XIRP2: variants seen among roughly 807,000 people sequenced by gnomAD.
XIRP2 encodes xin actin-binding repeat-containing protein 2.
Under a neutral mutation model 277.0 loss-of-function variants are expected in XIRP2, and 236 were observed. That is an observed-to-expected ratio of 0.85 (90% CI 0.77 to 0.95). XIRP2 has a LOEUF of 0.95. XIRP2 is among the 40% of genes least tolerant of loss of function. The pLI is 0.00. For missense variants in XIRP2, 4,640 were observed against 4,157.5 expected (o/e 1.12, Z -3.19); for synonymous variants, 1,490 against 1,416.5 (o/e 1.05, Z -1.17).
chr2:167,236,646 T>A (rs567458342), intron 5 of XIRP2, among the ~76,000 whole-genome samples: 2 of 152,204 alleles, frequency 1.3e-5, no homozygotes, highest in East Asian at 3.9e-4. Context: ...GATTATAACA[T>A]ACCTAGTAAA....
At chr2:166,995,491 C>A (rs1022112611) in intron 2 of XIRP2, among the ~76,000 whole-genome samples, 2 of 152,072 alleles carry the variant, frequency 1.3e-5, no homozygotes, top group African/African-American at 2.4e-5. Context: ...CAGTAAGAAC[C>A]TTTTTCTGCA....
intron 3 of XIRP2, among the ~76,000 whole-genome samples, chr2:167,142,671 T>G (rs1252936351): frequency 6.6e-6 from 1 of 152,346 alleles, no homozygotes; most frequent in Non-Finnish European, 1.5e-5. Context: ...ATCCCACTTC[T>G]TAAACTGAGT....
At chr2:167,087,550 G>A (rs542430753) in intron 2 of XIRP2, among the ~76,000 whole-genome samples, 48 of 152,286 alleles carry the variant, frequency 3.2e-4, no homozygotes, top group African/African-American at 1.0e-3. Context: ...CCTCGCTGCC[G>A]CCTTGCAGTT....
intron 2 of XIRP2, among the ~76,000 whole-genome samples, chr2:166,956,911 A>G (rs1304763492): frequency 6.6e-6 from 1 of 151,860 alleles, no homozygotes; most frequent in African/African-American, 2.4e-5. Context: ...ATTTTGAATC[A>G]GTTTGAAGTT....
intron 2 of XIRP2, among the ~76,000 whole-genome samples, chr2:166,943,506 C>G (rs1685775882): frequency 6.6e-6 from 1 of 152,206 alleles, no homozygotes; most frequent in Admixed American, 6.5e-5. Context: ...CATATCACCA[C>G]TCGTCTTCAT....
chr2:167,247,630 A>G lies in XIRP2; in HGVS notation c.6238A>G (p.Ser2080Gly), dbSNP rs1273880367. 5 of 1,613,620 alleles carry G rather than the reference A, an allele frequency of 3.1e-6. No individual in the cohort carries two copies. The highest frequency in any genetic ancestry group is 1.7e-5 in the Admixed American group (1 of 59,952). The change falls in exon 9 of 11, where the codon AGC becomes GGC. Residue 2080 changes from serine to glycine, a missense_variant. Coordinates refer to ENST00000409195, the MANE Select transcript of XIRP2 (RefSeq NM_152381.6). Reference protein sequence around the residue: ...GEQHLRDEYMSRQLTSTVSVK... With the variant: ...GEQHLRDEYMGRQLTSTVSVK... ...ACAGCATCTTAGAGATGAATATATG[A>G]GCAGACAATTAACTTCAACTGTGTC... is the stretch of plus-strand genomic sequence containing the variant.
intron 2 of XIRP2, among the ~76,000 whole-genome samples, chr2:166,946,293 C>T (rs1685861270): frequency 6.6e-6 from 1 of 152,118 alleles, no homozygotes; most frequent in South Asian, 2.1e-4. Context: ...AATTCTTCTT[C>T]AGTTGTTGGA....
intron 3 of XIRP2, among the ~76,000 whole-genome samples, chr2:167,171,941 C>A (rs114614561): frequency 0.04 from 6,051 of 152,130 alleles, 129 homozygotes; most frequent in Non-Finnish European, 0.051. Context: ...TTGTTGTGGG[C>A]ATAAAATAGG....
chr2:167,250,446 A>G lies in XIRP2; in HGVS notation c.9054A>G (p.Gln3018=). 1 of 1,613,406 alleles carries G rather than the reference A, an allele frequency of 6.2e-7. No homozygotes were observed. The highest frequency in any genetic ancestry group is 8.5e-7 in the Non-Finnish European group (1 of 1,179,646). ...VKEEITHIKT[Q]AEDMLVSYEN... ...AAGAAATAACACATATTAAAACTCAAGCGGAAGATATGCTTGTGTCCTATG... is the reference window on the plus strand; with the variant it reads ...AAGAAATAACACATATTAAAACTCAGGCGGAAGATATGCTTGTGTCCTATG... Residue 3018 remains glutamine (Q), a synonymous_variant, in exon 9 of 11, where the codon CAA becomes CAG. Transcript: ENST00000409195.
chr2:167,223,211 T>C (rs1472861859), intron 5 of XIRP2, among the ~76,000 whole-genome samples: 1 of 151,328 alleles, frequency 6.6e-6, no homozygotes, highest in Admixed American at 6.6e-5. Flanking sequence ...CTCAAGTTGC[T>C]TTTTTTTTCC....
intron 2 of XIRP2, among the ~76,000 whole-genome samples, chr2:167,064,696 A>G (rs962480647): frequency 1.3e-5 from 2 of 151,826 alleles, no homozygotes; most frequent in Non-Finnish European, 2.9e-5. Flanking sequence ...ACAACCACCA[A>G]TCTACTTCCT....
chr2:167,214,096 AG>A, intron 4 of XIRP2, among the ~76,000 whole-genome samples: 1 of 92,728 alleles, frequency 1.1e-5, no homozygotes, highest in Non-Finnish European at 2.1e-5. Context: ...GAAAGAAAGA[AG>A]GAAGGAAGGA....
At chr2:167,126,076 C>T (rs191284792) in intron 2 of XIRP2, among the ~76,000 whole-genome samples, 2 of 152,072 alleles carry the variant, frequency 1.3e-5, no homozygotes, top group Non-Finnish European at 2.9e-5. Flanking sequence ...TGAGAGGGAG[C>T]CTCCCAAAAA....
At chr2:167,098,585 C>T (rs1690390272) in intron 2 of XIRP2, among the ~76,000 whole-genome samples, 1 of 152,206 alleles carries the variant, frequency 6.6e-6, no homozygotes, top group Non-Finnish European at 1.5e-5. Context: ...TGTTCCCTTG[C>T]TGGTGAGGAA....
At position 167,259,138 on chromosome 2, in the gene XIRP2, A is replaced by G. The variant is rs746802666; in HGVS notation, c.*1321A>G. ...GTGATTTAATAGATTCTGTAGATCA[A>G]ATTAAAAATATGCCATGCTTGGATT... On this transcript the variant is annotated 3_prime_UTR_variant, in exon 11 of 11. Coordinates refer to ENST00000409195, the MANE Select transcript of XIRP2 (RefSeq NM_152381.6). 18 of 1,612,584 alleles carry G rather than the reference A, an allele frequency of 1.1e-5. 1 individual carries two copies. In the South Asian group the frequency reaches 2.0e-4, roughly 18 times the overall value.
intron 3 of XIRP2, among the ~76,000 whole-genome samples, chr2:167,179,642 ATTT>A (rs58591089): frequency 1.4e-4 from 19 of 136,452 alleles, no homozygotes; most frequent in African/African-American, 2.4e-4. Flanking sequence ...TTATCTGATA[ATTT>A]TTTTTTTTTT....
chr2:167,220,760 C>G (rs1446740873), intron 5 of XIRP2, among the ~76,000 whole-genome samples: 2 of 152,176 alleles, frequency 1.3e-5, no homozygotes, highest in Admixed American at 1.3e-4. Flanking sequence ...ACCTCTGTAC[C>G]TTGTTTCCCT....
intron 2 of XIRP2, among the ~76,000 whole-genome samples, chr2:166,937,686 G>A (rs1231977494): frequency 6.6e-6 from 1 of 152,094 alleles, no homozygotes; most frequent in Admixed American, 6.5e-5. Context: ...GCTCCTCCTT[G>A]TACCTCTGGT....
At chr2:167,053,116 T>C (rs1011196524) in intron 2 of XIRP2, among the ~76,000 whole-genome samples, 11 of 152,208 alleles carry the variant, frequency 7.2e-5, no homozygotes, top group African/African-American at 2.4e-4. Flanking sequence ...CCCGTCTCCA[T>C]CAGTTATGAT....
Sources: gnomAD v4.1 joint callset for allele counts (sites outside exome capture counted in the v4.1 genomes callset) on GRCh38, gnomAD v4.1.1 for gene constraint, MANE v1.5 for transcripts, NCBI Gene and HGNC (gene_info 2026-07-23, HGNC 2026-07-21) for gene names.